The following LPGAT1 variants were observed in gnomAD, a reference collection of about 807,000 sequenced individuals.
LPGAT1 encodes acyl-CoA:lysophosphatidylglycerol acyltransferase 1.
A neutral mutation model predicts 47.5 loss-of-function variants in LPGAT1; 11 were observed. The observed-to-expected ratio is 0.23, with a 90% CI of 0.15 to 0.38. The LOEUF is 0.38. LPGAT1 is among the 10% of genes least tolerant of loss of function. LPGAT1 has a pLI of 1.00. For synonymous variants in LPGAT1, 138 were observed against 144.2 expected (o/e 0.96, Z 0.31); for missense variants, 293 against 439.0 (o/e 0.67, Z 2.97).
At chr1:211,793,517 C>T (rs939539643) in intron 2 of LPGAT1, among the ~76,000 whole-genome samples, 2 of 152,018 alleles carry the variant, frequency 1.3e-5, no homozygotes, top group African/African-American at 4.8e-5. Flanking sequence ...ACTGCAACCT[C>T]TACCTCCCGG....
intron 6 of LPGAT1, among the ~76,000 whole-genome samples, chr1:211,778,202 C>T (rs1658487745): frequency 6.6e-6 from 1 of 151,998 alleles, no homozygotes; most frequent in African/African-American, 2.4e-5. Flanking sequence ...ATTAGCCGGG[C>T]ATGGTGGCGG....
intron 6 of LPGAT1, among the ~76,000 whole-genome samples, chr1:211,754,604 G>C (rs532245775): frequency 5.6e-4 from 86 of 152,262 alleles, no homozygotes; most frequent in African/African-American, 1.9e-3. Context: ...TGCTATCTTT[G>C]GCCAGGGCCT....
At chr1:211,754,158 T>A (rs1057010266) in intron 6 of LPGAT1, among the ~76,000 whole-genome samples, 9 of 152,168 alleles carry the variant, frequency 5.9e-5, no homozygotes, top group African/African-American at 2.2e-4. Context: ...CTCTCCAGAG[T>A]AAGCCTCCAA....
chr1:211,774,781 A>G (rs753233886), intron 6 of LPGAT1, among the ~76,000 whole-genome samples: 12 of 152,202 alleles, frequency 7.9e-5, no homozygotes, highest in Non-Finnish European at 8.8e-5. Context: ...AACCAACATA[A>G]GCCTGAGTAG....
At chr1:211,771,035 T>G (rs1270920283) in intron 6 of LPGAT1, among the ~76,000 whole-genome samples, 2 of 149,988 alleles carry the variant, frequency 1.3e-5, no homozygotes, top group Non-Finnish European at 3.0e-5. Context: ...AGGTGGAGGT[T>G]GCAGTAAGCT....
chr1:211,776,132 A>C (rs761202167), intron 6 of LPGAT1, among the ~76,000 whole-genome samples: 1 of 151,762 alleles, frequency 6.6e-6, no homozygotes, highest in Non-Finnish European at 1.5e-5. Flanking sequence ...CAACTACATT[A>C]TTTCTTTTAA....
chr1:211,805,468 T>C (rs1048991726), intron 2 of LPGAT1, among the ~76,000 whole-genome samples: 1 of 152,184 alleles, frequency 6.6e-6, no homozygotes, highest in Non-Finnish European at 1.5e-5. Flanking sequence ...CATCCCATCA[T>C]AAAGTCAAAA....
At chr1:211,786,522 G>C (rs1486409963) in intron 4 of LPGAT1, among the ~76,000 whole-genome samples, 1 of 152,150 alleles carries the variant, frequency 6.6e-6, no homozygotes, top group Non-Finnish European at 1.5e-5. Context: ...TATAATACTA[G>C]TAACAAGTCA....
chr1:211,795,022 T>C (rs536495785), intron 2 of LPGAT1, among the ~76,000 whole-genome samples: 4 of 152,058 alleles, frequency 2.6e-5, no homozygotes, highest in South Asian at 2.1e-4. Context: ...TTCATAGAAA[T>C]GGTGGTTGCC....
intron 1 of LPGAT1, chr1:211,829,698 A>G: frequency 9.6e-7 from 1 of 1,038,006 alleles, no homozygotes; most frequent in South Asian, 3.5e-5. Context: ...TGAAGACACA[A>G]GTGACATGAC....
At chr1:211,763,253 C>T (rs1657775744) in intron 6 of LPGAT1, among the ~76,000 whole-genome samples, 1 of 152,186 alleles carries the variant, frequency 6.6e-6, no homozygotes, top group Non-Finnish European at 1.5e-5. Flanking sequence ...GTGATTTGGT[C>T]ATGAGTGTTC....
chr1:211,818,940 CT>C (rs1660269895), intron 2 of LPGAT1, among the ~76,000 whole-genome samples: 1 of 152,182 alleles, frequency 6.6e-6, no homozygotes, highest in Admixed American at 6.5e-5. Flanking sequence ...CTACTTTATG[CT>C]TTTCAACAGA....
chr1:211,830,697 G>A lies in LPGAT1; in HGVS notation c.-152C>T, dbSNP rs952095500. ...CCTGCCCCGCTCCGGCTGTGGCGCG[G>A]CCCGCGCCCGTTCCCCGGCGGCGCC... On this transcript the variant is annotated 5_prime_UTR_variant, in exon 1 of 8. Coordinates refer to ENST00000366997, the MANE Select transcript of LPGAT1 (RefSeq NM_014873.3). This position sits in a 1 kb window ranked among gnomAD's most constrained non-coding sequence, Gnocchi z 5.9. The A allele has an allele frequency of 3.4e-6, 4 of 1,189,670 alleles. No homozygotes were observed. Among genetic ancestry groups the A allele is most frequent in the Middle Eastern group, 3.4e-4 (1 of 2,970 alleles). The allele number at this position is 1,189,670 out of a possible 1,614,324, so 73.7% of individuals were successfully genotyped here.
At chr1:211,755,058 C>T (rs1449837552) in intron 6 of LPGAT1, among the ~76,000 whole-genome samples, 1 of 119,930 alleles carries the variant, frequency 8.3e-6, no homozygotes. Context: ...AAAAAAAAAG[C>T]CAGGCGAGGT....
chr1:211,799,484 G>C (rs905769880), intron 2 of LPGAT1, among the ~76,000 whole-genome samples: 2 of 152,200 alleles, frequency 1.3e-5, no homozygotes, highest in African/African-American at 4.8e-5. Flanking sequence ...TTAGGAAGTA[G>C]GGGAACTGGG....
chr1:211,824,750 C>A (rs1040314901), intron 2 of LPGAT1, among the ~76,000 whole-genome samples: 1 of 152,178 alleles, frequency 6.6e-6, no homozygotes, highest in African/African-American at 2.4e-5. Flanking sequence ...TCTTCACATA[C>A]TAAATTGGTT....
intron 2 of LPGAT1, among the ~76,000 whole-genome samples, chr1:211,794,046 A>G (rs1659249725): frequency 6.6e-6 from 1 of 152,206 alleles, no homozygotes; most frequent in Admixed American, 6.5e-5. Context: ...GCACTGAAAA[A>G]CGTCTAGAAA....
chr1:211,754,873 G>C (rs992173760), intron 6 of LPGAT1, among the ~76,000 whole-genome samples: 2 of 151,864 alleles, frequency 1.3e-5, no homozygotes, highest in Non-Finnish European at 2.9e-5. Flanking sequence ...AAATTAGCCA[G>C]GCGTGGTGGC....
At chr1:211,757,779 T>C (rs1657527187) in intron 6 of LPGAT1, among the ~76,000 whole-genome samples, 1 of 152,228 alleles carries the variant, frequency 6.6e-6, no homozygotes, top group Non-Finnish European at 1.5e-5. Flanking sequence ...CAAGTTTAAC[T>C]TTCCATCTCT....
Sources: allele counts gnomAD v4.1 joint callset (sites outside exome capture counted in the v4.1 genomes callset), GRCh38; gene constraint gnomAD v4.1.1; non-coding constraint Gnocchi (gnomAD v3.1); transcripts MANE v1.5; gene names NCBI Gene and HGNC (gene_info 2026-07-23, HGNC 2026-07-21).